IL12B: variants seen among roughly 807,000 people sequenced by gnomAD.
IL12B encodes the protein interleukin-12 subunit beta.
In IL12B, 27 loss-of-function variants were observed where a neutral mutation model predicts 39.2. The observed-to-expected ratio is 0.69, with a 90% CI of 0.51 to 0.95. IL12B has a LOEUF of 0.95. IL12B is among the 40% of genes least tolerant of loss of function. IL12B has a pLI of 0.00. For missense variants in IL12B, 351 were observed against 397.6 expected (o/e 0.88, Z 1.00); for synonymous variants, 142 against 152.1 (o/e 0.93, Z 0.49).
At chr5:159,323,752 C>T (rs1054144298) in intron 2 of IL12B, among the ~76,000 whole-genome samples, 10 of 152,030 alleles carry the variant, frequency 6.6e-5, no homozygotes, top group African/African-American at 9.7e-5. Flanking sequence ...CTCAGGGTGT[C>T]GAGAACAACG....
chr5:159,322,577 G>T, intron 3 of IL12B, 66 bp from the exon 4 acceptor site: 3 of 1,001,604 alleles, frequency 3.0e-6, no homozygotes, highest in Non-Finnish European at 4.8e-6. Context: ...TGATTGTGAT[G>T]AATCACAGAT....
intron 1 of IL12B, 75 bp from the exon 2 acceptor site, chr5:159,326,857 A>G (rs1754200141): frequency 2.2e-6 from 2 of 924,020 alleles, no homozygotes; most frequent in African/African-American, 3.2e-5. Context: ...GAGAAGAAAG[A>G]ATGTCAATAA....
chr5:159,326,892 T>C lies in IL12B; in HGVS notation c.1-110A>G, dbSNP rs1584756764. On this transcript the variant is annotated intron_variant, in intron 1 of 7. Transcript: ENST00000231228. ...ATTCTTGTTACCTTTGTGAACCATA[T>C]ACACATTCTAGCTACTTTTTTTTTA... The C allele has an allele frequency of 1.8e-5, 14 of 758,932 alleles. No homozygotes were observed. In the East Asian group the frequency reaches 2.8e-4, roughly 15 times the overall value. The allele number at this position is 758,932 out of a possible 1,614,324, so 47.0% of individuals were successfully genotyped here.
chr5:159,316,928 G>A lies in IL12B; in HGVS notation c.856-112C>T. The stretch of plus-strand genomic sequence containing the variant: ...CAAAACAAGCCCATCTTGGTCTTAG[G>A]GCACTGTGCTTGCAATTCACAGGGG... On this transcript the variant is annotated intron_variant, in intron 6 of 7. Transcript: ENST00000231228. The A allele has an allele frequency of 2.4e-6, 3 of 1,240,352 alleles. No homozygotes were observed. In the South Asian group the frequency reaches 3.6e-5, roughly 15 times the overall value. The allele number at this position is 1,240,352 out of a possible 1,614,324, so 76.8% of individuals were successfully genotyped here. A position where few individuals can be genotyped will look rare whatever the true frequency, so the allele number is the denominator to read the frequency against.
chr5:159,315,488 T>C lies in IL12B; in HGVS notation c.*613A>G, dbSNP rs531981828. ...GCTTAGAAGTGTAAGTGGCCCTAAA[T>C]TGCTTTATCAACACCATCTCCAGGA... On this transcript the variant is annotated 3_prime_UTR_variant, in exon 8 of 8. Transcript: ENST00000231228. 1 of 152,506 alleles carries C rather than the reference T, an allele frequency of 6.6e-6. No individual in the cohort carries two copies. The highest frequency in any genetic ancestry group is 1.9e-4 in the East Asian group (1 of 5,328). 9.4% of individuals were successfully genotyped at this position (152,506 alleles called of 1,614,324 possible). A position where few individuals can be genotyped will look rare whatever the true frequency, so the allele number is the denominator to read the frequency against.
At chr5:159,316,954 T>C in intron 6 of IL12B, 138 bp from the exon 7 acceptor site, 1 of 930,454 alleles carries the variant, frequency 1.1e-6, no homozygotes, top group East Asian at 2.4e-5. Context: ...TTCACAGGGG[T>C]GTGCATAGAA....
chr5:159,326,788 A>G lies in IL12B; in HGVS notation c.1-6T>C. 1 of 1,554,562 alleles carries G rather than the reference A, an allele frequency of 6.4e-7. No individual in the cohort carries two copies. Among genetic ancestry groups the G allele is most frequent in the South Asian group, 1.1e-5 (1 of 89,974 alleles). Reference sequence around the variant, plus strand: ...ACCAACTGCTGGTGACACATCTATAAGAAGGGAGAGAAGCAGGGGGAAGAG... The same window carrying G: ...ACCAACTGCTGGTGACACATCTATAGGAAGGGAGAGAAGCAGGGGGAAGAG... On this transcript the variant is annotated splice_polypyrimidine_tract_variant and splice_region_variant and intron_variant, in intron 1 of 7. Coordinates refer to ENST00000231228, the MANE Select transcript of IL12B (RefSeq NM_002187.3).
intron 6 of IL12B, among the ~76,000 whole-genome samples, chr5:159,317,845 C>G (rs1754015039): frequency 6.6e-6 from 1 of 152,232 alleles, no homozygotes; most frequent in Non-Finnish European, 1.5e-5. Context: ...TCTCCTCTAT[C>G]AGGACTAATT....
At chr5:159,318,503 G>C (rs971356307) in intron 6 of IL12B, among the ~76,000 whole-genome samples, 6 of 152,188 alleles carry the variant, frequency 3.9e-5, no homozygotes, top group Admixed American at 2.6e-4. Flanking sequence ...AGGAGCAATA[G>C]GCTATACCAT....
chr5:159,324,791 T>C (rs966394642), intron 2 of IL12B, among the ~76,000 whole-genome samples: 2 of 152,360 alleles, frequency 1.3e-5, no homozygotes, highest in South Asian at 4.1e-4. Context: ...GCTTTATAAA[T>C]GGTGGTTCTC....
chr5:159,325,276 G>T (rs1754166419), intron 2 of IL12B, among the ~76,000 whole-genome samples: 1 of 152,160 alleles, frequency 6.6e-6, no homozygotes, highest in Non-Finnish European at 1.5e-5. Flanking sequence ...AACAATCCCA[G>T]GGTTGGAAGG....
In IL12B at chr5:159,316,697, C is replaced by A; in HGVS notation, c.975G>T (p.Val325=). The A allele has an allele frequency of 1.2e-6, 2 of 1,613,106 alleles. No individual in the cohort carries two copies. Among genetic ancestry groups the A allele is most frequent in the Non-Finnish European group, 1.7e-6 (2 of 1,179,708 alleles). ...YSSSWSEWAS[V]PCS is the part of the protein sequence containing the mutation. ...AGGGCCTGCTCACCTAACTGCAGGGCACAGATGCCCATTCGCTCCAAGATG... is the reference window on the plus strand; with the variant it reads ...AGGGCCTGCTCACCTAACTGCAGGGAACAGATGCCCATTCGCTCCAAGATG... The change falls in exon 7 of 8, where the codon GTG becomes GTT. Residue 325 remains valine (V), a synonymous_variant. Coordinates refer to ENST00000231228, the MANE Select transcript of IL12B (RefSeq NM_002187.3).
At chr5:159,320,545 CTG>C (rs763356281) in intron 4 of IL12B, 25 bp from the exon 5 acceptor site, 22 of 1,584,490 alleles carry the variant, frequency 1.4e-5, no homozygotes, top group Non-Finnish European at 1.7e-5. Context: ...AGAAATTAGC[CTG>C]TGTTACACAT....
At chr5:159,325,309 CA>C in intron 2 of IL12B, among the ~76,000 whole-genome samples, 1 of 152,292 alleles carries the variant, frequency 6.6e-6, no homozygotes, top group East Asian at 1.9e-4. Context: ...ACCCCTGGCT[CA>C]GGCCTTTGCC....
At chr5:159,320,180 G>T in intron 5 of IL12B, 126 bp downstream of exon 5, 1 of 809,474 alleles carries the variant, frequency 1.2e-6, no homozygotes. Context: ...ATCGTATTTT[G>T]TTTTTGGATG....
intron 2 of IL12B, among the ~76,000 whole-genome samples, chr5:159,323,743 T>C (rs1458250920): frequency 6.6e-6 from 1 of 152,026 alleles, no homozygotes; most frequent in East Asian, 1.9e-4. Flanking sequence ...GGTTAAAAGC[T>C]CAGGGTGTCG....
chr5:159,314,894 A>C lies in IL12B; in HGVS notation c.*1207T>G, dbSNP rs1753963113. ...TTTACAGAGCGCACATACATTACTT[A>C]AAAGTAGCACCTTCATGGAGCCATA... On this transcript the variant is annotated 3_prime_UTR_variant, in exon 8 of 8. Transcript: ENST00000231228. The C allele has an allele frequency of 6.6e-6, 1 of 152,402 alleles. No homozygotes were observed. Among genetic ancestry groups the C allele is most frequent in the South Asian group, 2.1e-4 (1 of 4,834 alleles). 9.4% of individuals were successfully genotyped at this position (152,402 alleles called of 1,614,324 possible).
chr5:159,324,532 A>T (rs1754156042), intron 2 of IL12B, among the ~76,000 whole-genome samples: 1 of 152,326 alleles, frequency 6.6e-6, no homozygotes. Context: ...TATGGTTCTT[A>T]AGCTCTCCAG....
chr5:159,322,985 T>A, intron 3 of IL12B, 69 bp downstream of exon 3: 6 of 1,451,112 alleles, frequency 4.1e-6, no homozygotes, highest in Non-Finnish European at 5.8e-6. Context: ...TTTCAATTTG[T>A]TGTTGTTGTT....
Sources: allele counts gnomAD v4.1 joint callset (sites outside exome capture counted in the v4.1 genomes callset), GRCh38; gene constraint gnomAD v4.1.1; transcripts MANE v1.5; gene names NCBI Gene and HGNC (gene_info 2026-07-23, HGNC 2026-07-21).